SHC2: variants seen among roughly 807,000 people sequenced by gnomAD.
The protein encoded by SHC2 is SHC adaptor protein 2, also known as SHC-transforming protein 2.
SHC2 carries 62 observed loss-of-function variants against 60.6 expected under a neutral mutation model. The observed-to-expected ratio is 1.02, with a 90% CI of 0.83 to 1.26. The LOEUF (loss-of-function observed/expected upper bound fraction) is 1.26. Ranked by LOEUF, SHC2 falls within the 50% of genes most tolerant of loss-of-function variation. SHC2 has a pLI of 0.00. For missense variants in SHC2, 873 were observed against 822.2 expected, an observed-to-expected ratio of 1.06 and a Z score of -0.76; for synonymous variants, 375 against 372.4, an observed-to-expected ratio of 1.01 and a Z score of -0.08.
chr19:435,917 G>A (rs1006941590), intron 7 of SHC2: 29 of 492,650 alleles, frequency 5.9e-5, no homozygotes, highest in African/African-American at 4.2e-4. Context: ...AGGGCTGACA[G>A]CCTCAGGCAC....
At chr19:447,317 G>C (rs950753201) in intron 1 of SHC2, among the ~76,000 whole-genome samples, 1 of 152,136 alleles carries the variant, frequency 6.6e-6, no homozygotes, top group Non-Finnish European at 1.5e-5. Context: ...GGGGTGGAGG[G>C]GAGGGACGGC....
At chr19:447,476 T>G (rs886704482) in intron 1 of SHC2, among the ~76,000 whole-genome samples, 1 of 152,208 alleles carries the variant, frequency 6.6e-6, no homozygotes, top group Admixed American at 6.5e-5. Flanking sequence ...TTATATCTGC[T>G]TTTTCAAAAA....
intron 1 of SHC2, among the ~76,000 whole-genome samples, chr19:451,815 T>C (rs541968838): frequency 6.6e-6 from 1 of 152,300 alleles, no homozygotes; most frequent in African/African-American, 2.4e-5. Flanking sequence ...CAGGCTGGTG[T>C]CGAACTCCTG....
rs532236362 is a variant in SHC2 at position 417,592 on chromosome 19, G to A, written c.*6-270C>T. 5.6e-4 allele frequency among the ~76,000 whole-genome samples: 86 copies of A among 152,366 alleles called. 1 individual carries two copies. The highest frequency in any genetic ancestry group is 5.6e-4 in the Non-Finnish European group (38 of 68,034). ...TCCCAGTGCCTGTCTCAGAACCGAA[G>A]GGTTGAGCACATTCCTGGGACAGGG... is the stretch of plus-strand genomic sequence containing the variant. On this transcript the variant is annotated intron_variant, in intron 12 of 12. Transcript: ENST00000264554.
At chr19:458,400 G>A (rs1405545135) in intron 1 of SHC2, among the ~76,000 whole-genome samples, 1 of 141,768 alleles carries the variant, frequency 7.1e-6, no homozygotes, top group Non-Finnish European at 1.6e-5. Context: ...CGGGTTCCGG[G>A]GAGGCGGAAG....
Position 438,603 on chromosome 19 carries a change from C to A in SHC2, c.720+115G>T. The A allele has an allele frequency of 7.9e-7, 1 of 1,263,112 alleles. No individual in the cohort carries two copies. The highest frequency in any genetic ancestry group is 1.1e-6 in the Non-Finnish European group (1 of 924,972). 78.2% of individuals were successfully genotyped at this position (1,263,112 alleles called of 1,614,324 possible). On this transcript the variant is annotated intron_variant, in intron 4 of 12. Coordinates refer to ENST00000264554, the MANE Select transcript of SHC2 (RefSeq NM_012435.3). The surrounding 1 kb of genome is among the most constrained non-coding windows in gnomAD (Gnocchi z 5.0). ...CCTGCTCAGCGGGGCCTCGGCTCGT[C>A]TTTCTGGATAAACGCCACCTGCTGC...
rs1448269487 is a variant in SHC2, at chr19:437,259, C to CGTGCTCGTCTGCGTGCTCGTCTGT, written c.721-600_721-577dup. On this transcript the variant is annotated intron_variant, in intron 4 of 12. Coordinates refer to ENST00000264554, the MANE Select transcript of SHC2 (RefSeq NM_012435.3). ...GCGAGCTCATCTGCGTGCTCGTTTG[C>CGTGCTCGTCTGCGTGCTCGTCTGT]GTGCTCGTCTGCGTGCTCGTCTGTG... is the stretch of plus-strand genomic sequence containing the variant. Among the ~76,000 whole-genome samples, 25 of 151,692 alleles carry CGTGCTCGTCTGCGTGCTCGTCTGT rather than the reference C, an allele frequency of 1.6e-4. 1 individual carries two copies. The East Asian group carries it at 1.7e-3, about 11-fold the overall frequency.
chr19:455,824 G>A (rs896468249), intron 1 of SHC2, among the ~76,000 whole-genome samples: 22 of 152,014 alleles, frequency 1.4e-4, no homozygotes, highest in African/African-American at 3.9e-4. Flanking sequence ...AGCCTCTTCC[G>A]GTCTCTCTCT....
chr19:420,665 T>C (rs907172791), intron 11 of SHC2, among the ~76,000 whole-genome samples: 2 of 152,184 alleles, frequency 1.3e-5, no homozygotes, highest in Non-Finnish European at 2.9e-5. Flanking sequence ...TGTAAAATAA[T>C]GATGCACTTC....
chr19:430,325 C>T (rs1298401675), intron 9 of SHC2, among the ~76,000 whole-genome samples: 2 of 149,616 alleles, frequency 1.3e-5, no homozygotes, highest in Non-Finnish European at 3.0e-5. Context: ...GATGACGCGG[C>T]ACCTATATCT....
At chr19:442,054 AC>A (rs1974885221) in intron 1 of SHC2, among the ~76,000 whole-genome samples, 1 of 152,172 alleles carries the variant, frequency 6.6e-6, no homozygotes, top group African/African-American at 2.4e-5. Flanking sequence ...AGGCCACAGG[AC>A]CTGGGCTGTG....
In SHC2 at chr19:422,483, G is replaced by A. The variant is rs1195445363; in HGVS notation, c.1310-27C>T. ...TGCAGGCCAGGGACAGGAGTGCTGG[G>A]CAGGCAGGGGGCAAGCAGCTACTCC... On this transcript the variant is annotated intron_variant, in intron 10 of 12. Coordinates refer to ENST00000264554, the MANE Select transcript of SHC2 (RefSeq NM_012435.3). The surrounding 1 kb of genome is among the most constrained non-coding windows in gnomAD (Gnocchi z 5.0). 4.1e-6 allele frequency: 6 copies of A among 1,478,102 alleles called. No individual in the cohort carries two copies. In the African/African-American group the frequency reaches 8.4e-5, roughly 21 times the overall value. 91.6% of individuals were successfully genotyped at this position (1,478,102 alleles called of 1,614,324 possible).
rs1330378573 is a variant in SHC2 at position 445,455 on chromosome 19, C to T, written c.469-4523G>A. Among the ~76,000 whole-genome samples the T allele has an allele frequency of 1.3e-5, 2 of 152,194 alleles. No homozygotes were observed. The highest frequency in any genetic ancestry group is 1.5e-5 in the Non-Finnish European group (1 of 68,040). On this transcript the variant is annotated intron_variant, in intron 1 of 12. Coordinates refer to ENST00000264554, the MANE Select transcript of SHC2 (RefSeq NM_012435.3). This position sits in a 1 kb window ranked among gnomAD's most constrained non-coding sequence, Gnocchi z 4.4. ...AACCGTGAGAAATAAATTTCTAGGC[C>T]TGGCACAGCAGCTCATGCCTGTAAT...
In SHC2 at chr19:422,507, C is replaced by A. The variant is rs928445784; in HGVS notation, c.1310-51G>T. On this transcript the variant is annotated intron_variant, in intron 10 of 12. Coordinates refer to ENST00000264554, the MANE Select transcript of SHC2 (RefSeq NM_012435.3). The surrounding 1 kb of genome is among the most constrained non-coding windows in gnomAD (Gnocchi z 5.0). ...GGCAGGCAGGGGGCAAGCAGCTACTCCTGCCGGGACCAGAGCTGGGAGAAA... is the reference window on the plus strand; with the variant it reads ...GGCAGGCAGGGGGCAAGCAGCTACTACTGCCGGGACCAGAGCTGGGAGAAA... 3 of 1,417,566 alleles carry A rather than the reference C, an allele frequency of 2.1e-6. No homozygotes were observed. The highest frequency in any genetic ancestry group is 4.0e-4 in the Middle Eastern group (2 of 4,980). The allele number at this position is 1,417,566 out of a possible 1,614,324, so 87.8% of individuals were successfully genotyped here. A position where few individuals can be genotyped will look rare whatever the true frequency, so the allele number is the denominator to read the frequency against.
chr19:417,789 GC>G (rs1463569618), intron 12 of SHC2, among the ~76,000 whole-genome samples: 4 of 152,080 alleles, frequency 2.6e-5, no homozygotes, highest in Admixed American at 2.0e-4. Context: ...CATACCCGGA[GC>G]CCCCTCTGCC....
chr19:429,099 T>C (rs1392169397), intron 9 of SHC2, among the ~76,000 whole-genome samples: 1 of 145,540 alleles, frequency 6.9e-6, no homozygotes, highest in African/African-American at 2.6e-5. Context: ...ATGCGGTACC[T>C]ATACCCAACG....
chr19:451,523 G>A (rs1975196833), intron 1 of SHC2, among the ~76,000 whole-genome samples: 1 of 152,238 alleles, frequency 6.6e-6, no homozygotes, highest in African/African-American at 2.4e-5. Flanking sequence ...TCAAGTCCCT[G>A]CTCTCCATTT....
intron 12 of SHC2, 52 bp downstream of exon 12, chr19:418,871 A>G (rs1974209499): frequency 2.3e-5 from 36 of 1,545,096 alleles, no homozygotes; most frequent in Non-Finnish European, 3.1e-5. Context: ...CAAATCAGAA[A>G]AGAATCTGGC....
chr19:456,808 C>A (rs1975354565), intron 1 of SHC2, among the ~76,000 whole-genome samples: 1 of 134,082 alleles, frequency 7.5e-6, no homozygotes, highest in South Asian at 2.4e-4. Flanking sequence ...CCACGTGGGG[C>A]CTTTGCACCT....
Sources: allele counts gnomAD v4.1 joint callset (sites outside exome capture counted in the v4.1 genomes callset), GRCh38; gene constraint gnomAD v4.1.1; non-coding constraint Gnocchi (gnomAD v3.1); transcripts MANE v1.5; gene names NCBI Gene and HGNC (gene_info 2026-07-23, HGNC 2026-07-21).